The following AKAP7 variants were observed in gnomAD, a reference collection of about 807,000 sequenced individuals.
The protein encoded by AKAP7 is A kinase (PRKA) anchor protein 7.
A neutral mutation model predicts 39.5 loss-of-function variants in AKAP7; 39 were observed. The ratio of observed to expected loss-of-function variants is 0.99; its 90% CI spans 0.76 to 1.29. The LOEUF is 1.29. Ranked by LOEUF, AKAP7 falls within the 50% of genes most tolerant of loss-of-function variation. The pLI, the probability that AKAP7 is intolerant of heterozygous loss-of-function variation, is 0.00. For synonymous variants in AKAP7, 140 were observed against 139.1 expected (o/e 1.01, Z -0.05); for missense variants, 414 against 407.7 (o/e 1.02, Z -0.13).
At chr6:131,238,851 C>T (rs1280068413) in intron 7 of AKAP7, among the ~76,000 whole-genome samples, 1 of 152,130 alleles carries the variant, frequency 6.6e-6, no homozygotes, top group Non-Finnish European at 1.5e-5. Context: ...TAGGTCTTGA[C>T]TCTTTATCCA....
At chr6:131,230,904 T>C (rs1810571956) in intron 7 of AKAP7, among the ~76,000 whole-genome samples, 2 of 152,188 alleles carry the variant, frequency 1.3e-5, no homozygotes, top group South Asian at 4.1e-4. Flanking sequence ...ATTTAGTAAA[T>C]GTTTATGAAT....
chr6:131,233,244 A>G (rs114524014), intron 7 of AKAP7, among the ~76,000 whole-genome samples: 44 of 152,302 alleles, frequency 2.9e-4, no homozygotes, highest in African/African-American at 1.0e-3. Flanking sequence ...GAGAGTATGT[A>G]GAATAGTAGA....
At chr6:131,165,737 C>T (rs943020643) in intron 4 of AKAP7, among the ~76,000 whole-genome samples, 5 of 152,118 alleles carry the variant, frequency 3.3e-5, no homozygotes, top group Non-Finnish European at 7.4e-5. Flanking sequence ...TGTACTCTAC[C>T]TACCCCCACC....
At chr6:131,176,664 G>C (rs1036792589) in intron 5 of AKAP7, among the ~76,000 whole-genome samples, 2 of 152,046 alleles carry the variant, frequency 1.3e-5, no homozygotes, top group African/African-American at 4.8e-5. Flanking sequence ...TGAACATTAT[G>C]CTTTCTTTCA....
At chr6:131,156,874 A>C (rs995945160) in intron 2 of AKAP7, among the ~76,000 whole-genome samples, 16 of 151,452 alleles carry the variant, frequency 1.1e-4, no homozygotes, top group African/African-American at 3.9e-4. Context: ...TCCCGGGTTC[A>C]CGCCATTCTC....
chr6:131,205,867 A>G (rs1168941535), intron 6 of AKAP7, among the ~76,000 whole-genome samples: 2 of 152,202 alleles, frequency 1.3e-5, no homozygotes, highest in Admixed American at 1.3e-4. Flanking sequence ...ATATTAAATT[A>G]CTGTCTCTGA....
upstream of AKAP7, among the ~76,000 whole-genome samples, chr6:131,131,552 T>G (rs369090219): frequency 7.2e-5 from 11 of 151,952 alleles, no homozygotes; most frequent in South Asian, 1.9e-3. Flanking sequence ...TGGATGCTTA[T>G]AAAAGTTTTA....
chr6:131,279,261 G>GA (rs1815004750), intron 7 of AKAP7, among the ~76,000 whole-genome samples: 1 of 152,106 alleles, frequency 6.6e-6, no homozygotes, highest in South Asian at 2.1e-4. Context: ...CATCAGCAGG[G>GA]AAAATTCACT....
At chr6:131,178,979 C>T (rs1804846373) in intron 5 of AKAP7, among the ~76,000 whole-genome samples, 1 of 152,070 alleles carries the variant, frequency 6.6e-6, no homozygotes, top group African/African-American at 2.4e-5. Context: ...TGCCATAGAT[C>T]TTCTGAAAAT....
At chr6:131,193,996 CT>C (rs1806669889) in intron 5 of AKAP7, among the ~76,000 whole-genome samples, 1 of 151,938 alleles carries the variant, frequency 6.6e-6, no homozygotes, top group Non-Finnish European at 1.5e-5. Context: ...AAAAAAACAG[CT>C]TTTCATTTTG....
chr6:131,153,218 G>A (rs1404316038), intron 2 of AKAP7, among the ~76,000 whole-genome samples: 2 of 151,886 alleles, frequency 1.3e-5, no homozygotes, highest in African/African-American at 2.4e-5. Flanking sequence ...TAAGAAAAGT[G>A]TATTACAAGG....
intron 5 of AKAP7, among the ~76,000 whole-genome samples, chr6:131,189,454 G>A (rs1212949671): frequency 6.6e-6 from 1 of 151,648 alleles, no homozygotes; most frequent in Non-Finnish European, 1.5e-5. Flanking sequence ...GGAGAAAATA[G>A]CAAAAGCTTG....
chr6:131,253,029 A>G, intron 7 of AKAP7: 1 of 1,613,168 alleles, frequency 6.2e-7, no homozygotes, highest in South Asian at 1.1e-5. Flanking sequence ...GTTATTCTCA[A>G]AACACAGGTG....
At chr6:131,254,234 T>G (rs1000413667) in intron 7 of AKAP7, among the ~76,000 whole-genome samples, 6 of 152,222 alleles carry the variant, frequency 3.9e-5, no homozygotes, top group African/African-American at 1.4e-4. Context: ...ACATTAAAAA[T>G]TACTGGAAAT....
intron 5 of AKAP7, among the ~76,000 whole-genome samples, chr6:131,191,039 C>G (rs760126401): frequency 3.3e-5 from 5 of 152,202 alleles, no homozygotes; most frequent in Admixed American, 6.5e-5. Flanking sequence ...CACCTTTATG[C>G]TGTTTGTTTT....
chr6:131,144,564 A>G (rs956717323), intron 1 of AKAP7, among the ~76,000 whole-genome samples: 10 of 152,334 alleles, frequency 6.6e-5, no homozygotes, highest in African/African-American at 2.4e-4. Flanking sequence ...GGAGACCACC[A>G]TCTGATAAAT....
intron 7 of AKAP7, among the ~76,000 whole-genome samples, chr6:131,273,479 T>C (rs528627683): frequency 1.2e-4 from 19 of 152,330 alleles, no homozygotes; most frequent in African/African-American, 4.3e-4. Context: ...GCTTATTTGC[T>C]GTGCCTCTTT....
chr6:131,279,943 G>GT (rs1391968278), intron 7 of AKAP7, among the ~76,000 whole-genome samples: 3 of 152,170 alleles, frequency 2.0e-5, no homozygotes, highest in African/African-American at 7.2e-5. Flanking sequence ...TGTCTGTAGA[G>GT]TATAAACACC....
In AKAP7 at chr6:131,282,295, T is replaced by A. The variant is rs890175228; in HGVS notation, c.*569T>A. 7.4e-7 allele frequency: 1 copy of A among 1,358,652 alleles called. No homozygotes were observed. The highest frequency in any genetic ancestry group is 1.5e-5 in the African/African-American group (1 of 68,454). The allele number at this position is 1,358,652 out of a possible 1,614,324, so 84.2% of individuals were successfully genotyped here. A position where few individuals can be genotyped will look rare whatever the true frequency, so the allele number is the denominator to read the frequency against. ...ATATTTTTGGTGAAATGCAACCTTT[T>A]CTATAAAATGTGGGCAACATTTTAA... On this transcript the variant is annotated 3_prime_UTR_variant, in exon 8 of 8. Transcript: ENST00000431975.
Sources: gnomAD v4.1 joint callset for allele counts (sites outside exome capture counted in the v4.1 genomes callset) on GRCh38, gnomAD v4.1.1 for gene constraint, MANE v1.5 for transcripts, NCBI Gene and HGNC (gene_info 2026-07-23, HGNC 2026-07-21) for gene names.